The following CENPW variants were observed in gnomAD, a reference collection of about 807,000 sequenced individuals.
The protein encoded by CENPW is centromere protein W.
CENPW carries 3 observed loss-of-function variants against 11.1 expected under a neutral mutation model. The observed-to-expected ratio is 0.27, with a 90% CI of 0.12 to 0.70. The LOEUF is 0.70. Ranked by LOEUF, CENPW falls within the 30% of genes least tolerant of loss-of-function variation. The pLI, the probability that CENPW is intolerant of heterozygous loss-of-function variation, is 0.77. For synonymous variants in CENPW, 38 were observed against 42.0 expected, an observed-to-expected ratio of 0.91 and a Z score of 0.37; for missense variants, 100 against 105.6, an observed-to-expected ratio of 0.95 and a Z score of 0.23.
downstream of CENPW, among the ~76,000 whole-genome samples, chr6:126,349,137 T>G (rs1780461854): frequency 6.6e-6 from 1 of 152,126 alleles, no homozygotes; most frequent in African/African-American, 2.4e-5. Context: ...ATTTAGAAGT[T>G]TATTATGTAT....
chr6:126,406,854 A>G, the CENPW span, among the ~76,000 whole-genome samples: 3 of 136,110 alleles, frequency 2.2e-5, no homozygotes, highest in Admixed American at 1.4e-4. Flanking sequence ...TCCATCCTGG[A>G]AAAAAAAAAA....
chr6:126,399,133 CT>C, the CENPW span, among the ~76,000 whole-genome samples: 1 of 151,936 alleles, frequency 6.6e-6, no homozygotes, highest in Non-Finnish European at 1.5e-5. Flanking sequence ...GTGCATATGT[CT>C]TTTTGGAAGA....
At chr6:126,408,323 G>C in the CENPW span, among the ~76,000 whole-genome samples, 1 of 152,146 alleles carries the variant, frequency 6.6e-6, no homozygotes, top group Admixed American at 6.6e-5. Flanking sequence ...CATAATCAAG[G>C]TGGAAGATGT....
the CENPW span, among the ~76,000 whole-genome samples, chr6:126,396,428 GA>G: frequency 1.3e-5 from 2 of 152,108 alleles, no homozygotes; most frequent in Non-Finnish European, 2.9e-5. Flanking sequence ...TGCTAGTCCT[GA>G]AACTCGCCCT....
At chr6:126,374,772 T>A in the CENPW span, among the ~76,000 whole-genome samples, 5 of 152,152 alleles carry the variant, frequency 3.3e-5, no homozygotes, top group African/African-American at 1.2e-4. Flanking sequence ...AATAAATAAT[T>A]CCATTCATTC....
At chr6:126,340,493 A>G (rs763458606) in intron 1 of CENPW, 94 bp downstream of exon 1, 77 of 1,588,610 alleles carry the variant, frequency 4.8e-5, no homozygotes, top group Non-Finnish European at 6.3e-5. Flanking sequence ...GAGCCAATTT[A>G]TAGCTCTTTC....
the CENPW span, among the ~76,000 whole-genome samples, chr6:126,429,335 C>T: frequency 1.3e-5 from 2 of 152,212 alleles, no homozygotes; most frequent in East Asian, 3.9e-4. Flanking sequence ...GCCCAAATCT[C>T]GTGTTGAACT....
the CENPW span, among the ~76,000 whole-genome samples, chr6:126,430,817 G>T: frequency 6.6e-6 from 1 of 152,070 alleles, no homozygotes; most frequent in Non-Finnish European, 1.5e-5. Context: ...CTACTGGGGA[G>T]GCTGAGGCAG....
At chr6:126,427,804 G>GAAC in the CENPW span, among the ~76,000 whole-genome samples, 3 of 152,178 alleles carry the variant, frequency 2.0e-5, no homozygotes, top group African/African-American at 7.2e-5. Flanking sequence ...TGAGTGTTAG[G>GAAC]AACACATAGG....
At chr6:126,342,500 C>T (rs1780333706) in intron 1 of CENPW, among the ~76,000 whole-genome samples, 1 of 152,072 alleles carries the variant, frequency 6.6e-6, no homozygotes. Flanking sequence ...ATGAATATCT[C>T]CTTTTCTGTC....
the CENPW span, among the ~76,000 whole-genome samples, chr6:126,365,187 C>T: frequency 1.3e-5 from 2 of 152,048 alleles, no homozygotes; most frequent in South Asian, 4.1e-4. Context: ...ATTTTGTAAA[C>T]TTGGGAGTCA....
chr6:126,340,257 G>A lies in CENPW; in HGVS notation c.-17G>A. The A allele has an allele frequency of 1.9e-6, 3 of 1,612,686 alleles. No individual in the cohort carries two copies. The highest frequency in any genetic ancestry group is 1.3e-5 in the African/African-American group (1 of 74,984). On this transcript the variant is annotated 5_prime_UTR_variant, in exon 1 of 3. Coordinates refer to ENST00000368328, the MANE Select transcript of CENPW (RefSeq NM_001012507.4). ...GAGCACCTCGGAAGCTGAGGCAGCT[G>A]GTACTTGACAGAGAGGATGGCGCTG... is the stretch of plus-strand genomic sequence containing the variant.
the CENPW span, among the ~76,000 whole-genome samples, chr6:126,472,330 T>C: frequency 6.6e-6 from 1 of 152,186 alleles, no homozygotes; most frequent in South Asian, 2.1e-4. Flanking sequence ...GGCCCAACCA[T>C]ACCAGCTACT....
chr6:126,457,099 T>C, the CENPW span, among the ~76,000 whole-genome samples: 4 of 151,520 alleles, frequency 2.6e-5, no homozygotes, highest in African/African-American at 9.7e-5. Context: ...CTGGTGGTAA[T>C]GTAAATTAGT....
At chr6:126,450,541 G>A in the CENPW span, among the ~76,000 whole-genome samples, 74,212 of 150,572 alleles carry the variant, frequency 0.49, 19,381 homozygotes, top group East Asian at 0.97. Context: ...CACATGAACT[G>A]AACAGAAAAA....
chr6:126,424,331 T>G, the CENPW span, among the ~76,000 whole-genome samples: 2 of 152,280 alleles, frequency 1.3e-5, no homozygotes, highest in East Asian at 3.9e-4. Context: ...TTTACACCAC[T>G]GAGACCTCTT....
chr6:126,380,723 C>T, the CENPW span, among the ~76,000 whole-genome samples: 1 of 152,154 alleles, frequency 6.6e-6, no homozygotes, highest in Admixed American at 6.5e-5. Context: ...ATCAAGTATT[C>T]ACAGTAAATG....
chr6:126,380,351 C>A, the CENPW span, among the ~76,000 whole-genome samples: 7 of 152,192 alleles, frequency 4.6e-5, no homozygotes, highest in South Asian at 4.1e-4. Flanking sequence ...GATTAACTGG[C>A]TTGCTTTCAA....
the CENPW span, among the ~76,000 whole-genome samples, chr6:126,385,631 G>A: frequency 1.3e-5 from 2 of 152,232 alleles, no homozygotes; most frequent in Admixed American, 1.3e-4. Context: ...GAGAGATCAA[G>A]TGGAGATAAT....
Sources: gnomAD v4.1 joint callset for allele counts (sites outside exome capture counted in the v4.1 genomes callset) on GRCh38, gnomAD v4.1.1 for gene constraint, MANE v1.5 for transcripts, NCBI Gene and HGNC (gene_info 2026-07-23, HGNC 2026-07-21) for gene names.